SGCZ: variants seen among roughly 807,000 people sequenced by gnomAD.
The protein encoded by SGCZ is zeta-sarcoglycan.
A neutral mutation model predicts 41.3 loss-of-function variants in SGCZ; 40 were observed. That is an observed-to-expected ratio of 0.97 (90% CI 0.75 to 1.26). The LOEUF (loss-of-function observed/expected upper bound fraction) is 1.26, where lower values mean the gene tolerates loss of function less well. Among genes scored for constraint, SGCZ ranks in the 50% most tolerant of loss-of-function variants. The pLI is 0.00. For missense variants in SGCZ, 552 were observed against 369.8 expected, an observed-to-expected ratio of 1.49 and a Z score of -4.04; for synonymous variants, 206 against 137.5, an observed-to-expected ratio of 1.50 and a Z score of -3.49.
At chr8:14,215,648 A>T (rs1805967938) in intron 4 of SGCZ, among the ~76,000 whole-genome samples, 1 of 152,170 alleles carries the variant, frequency 6.6e-6, no homozygotes, top group Non-Finnish European at 1.5e-5. Flanking sequence ...ATATCACAAA[A>T]GAAAGAGACC....
At chr8:14,100,163 A>ACTT (rs1344163490) in intron 7 of SGCZ, among the ~76,000 whole-genome samples, 1 of 151,934 alleles carries the variant, frequency 6.6e-6, no homozygotes, top group East Asian at 1.9e-4. Flanking sequence ...GCCTTTCTGT[A>ACTT]CTTTTATTTT....
At chr8:14,112,369 A>G (rs748355521) in intron 5 of SGCZ, among the ~76,000 whole-genome samples, 28 of 150,000 alleles carry the variant, frequency 1.9e-4, no homozygotes, top group Non-Finnish European at 3.1e-4. Context: ...TCCAGAGTCC[A>G]TGGGGCAAAG....
chr8:14,692,590 C>T (rs1808833469), intron 1 of SGCZ, among the ~76,000 whole-genome samples: 1 of 152,120 alleles, frequency 6.6e-6, no homozygotes, highest in South Asian at 2.1e-4. Context: ...GTCTGTAAAG[C>T]AAACATAAAA....
intron 1 of SGCZ, among the ~76,000 whole-genome samples, chr8:14,657,543 C>T (rs1216941250): frequency 6.6e-6 from 1 of 152,002 alleles, no homozygotes. Context: ...TTCAAATATG[C>T]TCAGGAAAAG....
chr8:14,783,875 A>G (rs1010707684), intron 1 of SGCZ, among the ~76,000 whole-genome samples: 76 of 152,312 alleles, frequency 5.0e-4, no homozygotes, highest in Middle Eastern at 6.8e-3. Flanking sequence ...CAGAACAAAG[A>G]TAAGTGGAAA....
chr8:14,667,246 T>C (rs1807939401), intron 1 of SGCZ, among the ~76,000 whole-genome samples: 2 of 152,212 alleles, frequency 1.3e-5, no homozygotes. Context: ...AGGATTATTC[T>C]GGCATGTATA....
chr8:14,121,726 A>C (rs1197208081), intron 5 of SGCZ, among the ~76,000 whole-genome samples: 1 of 152,182 alleles, frequency 6.6e-6, no homozygotes, highest in Non-Finnish European at 1.5e-5. Flanking sequence ...AGGACATATA[A>C]TATAACCAAA....
chr8:14,417,575 C>A (rs1054157981), intron 2 of SGCZ, among the ~76,000 whole-genome samples: 4 of 151,748 alleles, frequency 2.6e-5, no homozygotes, highest in African/African-American at 9.7e-5. Context: ...TCGTTTCTTA[C>A]ATTCTAAAAT....
chr8:14,524,037 T>C (rs921455986), intron 2 of SGCZ, among the ~76,000 whole-genome samples: 4 of 152,156 alleles, frequency 2.6e-5, no homozygotes, highest in African/African-American at 4.8e-5. Flanking sequence ...TTTACTTCTT[T>C]TATTACATTT....
At chr8:14,185,231 C>T (rs1804864369) in intron 4 of SGCZ, among the ~76,000 whole-genome samples, 1 of 151,946 alleles carries the variant, frequency 6.6e-6, no homozygotes, top group African/African-American at 2.4e-5. Flanking sequence ...GAAACCCTAT[C>T]CCTACTAAAA....
intron 1 of SGCZ, among the ~76,000 whole-genome samples, chr8:15,079,064 G>T (rs1360677294): frequency 3.3e-5 from 5 of 151,998 alleles, no homozygotes; most frequent in Non-Finnish European, 7.4e-5. Context: ...TCCCAGCATT[G>T]CTCCTCCTTC....
intron 1 of SGCZ, among the ~76,000 whole-genome samples, chr8:15,155,399 C>A (rs1799299498): frequency 6.6e-6 from 1 of 152,106 alleles, no homozygotes; most frequent in South Asian, 2.1e-4. Flanking sequence ...TCATACTGTA[C>A]CCCATAAATA....
At chr8:14,118,984 G>A (rs1480219583) in intron 5 of SGCZ, among the ~76,000 whole-genome samples, 8 of 152,064 alleles carry the variant, frequency 5.3e-5, no homozygotes, top group Admixed American at 4.6e-4. Flanking sequence ...ATAGTTTGAA[G>A]TCTGGTAGCA....
At chr8:14,824,626 C>T (rs1802230438) in intron 1 of SGCZ, among the ~76,000 whole-genome samples, 1 of 151,960 alleles carries the variant, frequency 6.6e-6, no homozygotes, top group Admixed American at 6.6e-5. Context: ...AAGAACCTGC[C>T]TTTACATCCT....
rs560291817 is a variant in SGCZ, at chr8:14,649,181, A to T, written c.40-94255T>A. Among the ~76,000 whole-genome samples the T allele has an allele frequency of 5.8e-4, 89 of 152,268 alleles. No homozygotes were observed. The South Asian group carries it at 0.018, about 32-fold the overall frequency. ...TTTCCAAGAACTGAGAAGGAAAAGCATCATGTCAGACAGGGCTAGGTACTT... is the reference window on the plus strand; with the variant it reads ...TTTCCAAGAACTGAGAAGGAAAAGCTTCATGTCAGACAGGGCTAGGTACTT... On this transcript the variant is annotated intron_variant, in intron 1 of 7. Coordinates refer to ENST00000382080, the MANE Select transcript of SGCZ (RefSeq NM_139167.4).
intron 3 of SGCZ, among the ~76,000 whole-genome samples, chr8:14,277,804 G>A (rs1329590804): frequency 6.6e-6 from 1 of 152,066 alleles, no homozygotes; most frequent in East Asian, 1.9e-4. Context: ...CTTATCTGAG[G>A]AAGGAAACTT....
At chr8:14,808,645 A>G (rs1407913371) in intron 1 of SGCZ, among the ~76,000 whole-genome samples, 5 of 152,228 alleles carry the variant, frequency 3.3e-5, no homozygotes, top group South Asian at 2.1e-4. Context: ...CTGCAAACTA[A>G]TTCAACCATT....
intron 3 of SGCZ, among the ~76,000 whole-genome samples, chr8:14,268,014 A>G (rs1442533007): frequency 6.6e-6 from 1 of 151,572 alleles, no homozygotes; most frequent in East Asian, 1.9e-4. Flanking sequence ...ATATATTTAT[A>G]TAAAATAAAG....
chr8:15,018,024 C>T (rs997356931), intron 1 of SGCZ, among the ~76,000 whole-genome samples: 3 of 152,154 alleles, frequency 2.0e-5, no homozygotes, highest in Non-Finnish European at 4.4e-5. Flanking sequence ...GCCACTGCGC[C>T]TGGCTCAAAG....
Sources: allele counts gnomAD v4.1 joint callset (sites outside exome capture counted in the v4.1 genomes callset), GRCh38; gene constraint gnomAD v4.1.1; transcripts MANE v1.5; gene names NCBI Gene and HGNC (gene_info 2026-07-23, HGNC 2026-07-21).